ARHGAP44: variants seen among roughly 807,000 people sequenced by gnomAD.
ARHGAP44 encodes Rho GTPase activating protein 44.
Under a neutral mutation model 106.8 loss-of-function variants are expected in ARHGAP44, and 43 were observed. The observed-to-expected ratio is 0.40, with a 90% CI of 0.32 to 0.52. The LOEUF is 0.52. Among genes scored for constraint, ARHGAP44 ranks in the 20% least tolerant of loss-of-function variants. The probability of loss-of-function intolerance (pLI) is 0.48; values close to 1 mark genes in which losing one functional copy is unlikely to be tolerated. For synonymous variants in ARHGAP44, 439 were observed against 410.3 expected, an observed-to-expected ratio of 1.07 and a Z score of -0.85; for missense variants, 866 against 1,050.5, an observed-to-expected ratio of 0.82 and a Z score of 2.43.
chr17:12,944,892 T>C (rs2038810850), intron 10 of ARHGAP44, among the ~76,000 whole-genome samples: 1 of 152,178 alleles, frequency 6.6e-6, no homozygotes. Context: ...TAGGTAATTT[T>C]AAAGGTTAAG....
rs1476011351 is a variant in ARHGAP44, at chr17:12,987,174, C to A, written c.2317+2266C>A. On this transcript the variant is annotated intron_variant, in intron 20 of 20. Transcript: ENST00000379672. ...CAGGGTAAGCTGGCCCCGGCCTCGC[C>A]CCTCCACCCCGCTAGCTAGCCAGGC... The A allele has an allele frequency of 3.3e-6, 5 of 1,527,186 alleles. No homozygotes were observed. The Admixed American group carries it at 6.1e-5, about 19-fold the overall frequency. The allele number at this position is 1,527,186 out of a possible 1,614,324, so 94.6% of individuals were successfully genotyped here.
chr17:12,863,042 C>T (rs2036133996), intron 1 of ARHGAP44, among the ~76,000 whole-genome samples: 1 of 151,684 alleles, frequency 6.6e-6, no homozygotes, highest in African/African-American at 2.4e-5. Flanking sequence ...AATCCCAGCA[C>T]TTTGGGAGGC....
chr17:12,915,830 AG>A lies in ARHGAP44; in HGVS notation c.276-66del. ...AAGTTTACAAGTGAGCCAGGAGGTG[AG>A]GGGAGGGTAACGCCAGTGAAATGTT... On this transcript the variant is annotated intron_variant, in intron 4 of 20. Transcript: ENST00000379672. 6 of 1,335,984 alleles carry A rather than the reference AG, an allele frequency of 4.5e-6. No individual in the cohort carries two copies. In the South Asian group the frequency reaches 6.5e-5, roughly 15 times the overall value. 82.8% of individuals were successfully genotyped at this position (1,335,984 alleles called of 1,614,324 possible).
chr17:12,802,962 T>G (rs1210042723), intron 1 of ARHGAP44, among the ~76,000 whole-genome samples: 1 of 20,162 alleles, frequency 5.0e-5, no homozygotes, highest in Non-Finnish European at 7.5e-5. Context: ...TATATATATA[T>G]ATATATATTT....
At chr17:12,973,985 C>T in intron 17 of ARHGAP44, 104 bp from the exon 18 acceptor site, 7 of 1,229,100 alleles carry the variant, frequency 5.7e-6, no homozygotes, top group African/African-American at 1.5e-5. Context: ...GCTAAAGCTG[C>T]GCTGCTCTTC....
intron 1 of ARHGAP44, among the ~76,000 whole-genome samples, chr17:12,819,561 G>A (rs1423438413): frequency 6.7e-6 from 1 of 149,492 alleles, no homozygotes; most frequent in Non-Finnish European, 1.5e-5. Flanking sequence ...CCATACCCTT[G>A]TCAGTATTTG....
chr17:12,798,055 G>A (rs1259575334), intron 1 of ARHGAP44, among the ~76,000 whole-genome samples: 4 of 151,990 alleles, frequency 2.6e-5, no homozygotes, highest in Non-Finnish European at 4.4e-5. Context: ...CTTAACAGCC[G>A]CCTTCATGAA....
At chr17:12,852,334 A>T (rs1321155834) in intron 1 of ARHGAP44, among the ~76,000 whole-genome samples, 1 of 135,884 alleles carries the variant, frequency 7.4e-6, no homozygotes, top group African/African-American at 2.7e-5. Context: ...GGAGATTTAA[A>T]CCAAAAAACT....
At position 12,826,139 on chromosome 17, in the gene ARHGAP44, G is replaced by T. The variant is rs117907093; in HGVS notation, c.53+36248G>T. 1.0e-3 allele frequency among the ~76,000 whole-genome samples: 158 copies of T among 152,198 alleles called. 4 individuals carry two copies. In the East Asian group the frequency reaches 0.029, roughly 28 times the overall value. ...GTTTGTTTGTTACATAGGTAAACTT[G>T]TGTCCTGGGGTGGTTTGTACAGATT... On this transcript the variant is annotated intron_variant, in intron 1 of 20. Transcript: ENST00000379672.
At chr17:12,839,487 C>T (rs978492680) in intron 1 of ARHGAP44, among the ~76,000 whole-genome samples, 5 of 152,126 alleles carry the variant, frequency 3.3e-5, no homozygotes, top group South Asian at 2.1e-4. Context: ...AACACTGTAC[C>T]GTAGTGTAGT....
intron 4 of ARHGAP44, among the ~76,000 whole-genome samples, chr17:12,912,367 T>C (rs544200757): frequency 6.6e-6 from 1 of 151,958 alleles, no homozygotes; most frequent in East Asian, 1.9e-4. Context: ...ACTCAGACAA[T>C]AGAACACACA....
intron 20 of ARHGAP44, chr17:12,986,913 C>T: frequency 1.7e-6 from 1 of 594,336 alleles, no homozygotes; most frequent in South Asian, 2.2e-5. Flanking sequence ...ATTTTAATGT[C>T]CTTTTGGCAG....
At chr17:12,970,365 C>CAAAAAA (rs66577680) in intron 16 of ARHGAP44, among the ~76,000 whole-genome samples, 79 of 53,988 alleles carry the variant, frequency 1.5e-3, no homozygotes, top group Non-Finnish European at 2.4e-3. Flanking sequence ...GACCCTGTCT[C>CAAAAAA]AAAAAAAAAA....
intron 5 of ARHGAP44, among the ~76,000 whole-genome samples, chr17:12,917,753 CT>C (rs1221777282): frequency 2.6e-5 from 4 of 152,218 alleles, no homozygotes; most frequent in Admixed American, 2.0e-4. Flanking sequence ...TTGATAGCCA[CT>C]GCCCTTAAGT....
intron 1 of ARHGAP44, among the ~76,000 whole-genome samples, chr17:12,795,760 G>A (rs2033898466): frequency 6.6e-6 from 1 of 152,070 alleles, no homozygotes; most frequent in South Asian, 2.1e-4. Flanking sequence ...CAGGCAGGAG[G>A]TTGGGGGGAG....
chr17:12,973,533 T>G (rs1208550471), intron 17 of ARHGAP44: 1 of 589,942 alleles, frequency 1.7e-6, no homozygotes, highest in Non-Finnish European at 3.0e-6. Context: ...CAAGTGGGAG[T>G]GGCCTGCAGA....
At chr17:12,815,430 G>A (rs1054736823) in intron 1 of ARHGAP44, among the ~76,000 whole-genome samples, 2 of 152,116 alleles carry the variant, frequency 1.3e-5, no homozygotes, top group Non-Finnish European at 2.9e-5. Context: ...GGCTGGAAGC[G>A]TGAATAATAG....
At chr17:12,856,180 G>A (rs79272024) in intron 1 of ARHGAP44, among the ~76,000 whole-genome samples, 7,029 of 152,182 alleles carry the variant, frequency 0.046, 238 homozygotes, top group Admixed American at 0.072. Flanking sequence ...AGATTTTTCT[G>A]TAGATGGTCC....
In ARHGAP44 at chr17:12,973,282, G is replaced by T; in HGVS notation, c.1524-20G>T. 1 of 1,604,468 alleles carries T rather than the reference G, an allele frequency of 6.2e-7. No individual in the cohort carries two copies. On this transcript the variant is annotated intron_variant, in intron 16 of 20. Coordinates refer to ENST00000379672, the MANE Select transcript of ARHGAP44 (RefSeq NM_014859.6). ...CCTAGATTTTTTGAAACTAATATCTGTATGTTTCTGTCCCTGCAGCCTTAG... is the reference window on the plus strand; with the variant it reads ...CCTAGATTTTTTGAAACTAATATCTTTATGTTTCTGTCCCTGCAGCCTTAG...
Sources: allele counts gnomAD v4.1 joint callset (sites outside exome capture counted in the v4.1 genomes callset), GRCh38; gene constraint gnomAD v4.1.1; transcripts MANE v1.5; gene names NCBI Gene and HGNC (gene_info 2026-07-23, HGNC 2026-07-21).